The following COBLL1 variants were observed in gnomAD, a reference collection of about 807,000 sequenced individuals.
The protein encoded by COBLL1 is cordon-bleu WH2 repeat protein like 1.
In COBLL1, 50 loss-of-function variants were observed where a neutral mutation model predicts 94.8. That is an observed-to-expected ratio of 0.53 (90% CI 0.42 to 0.67). COBLL1 has a LOEUF of 0.67. COBLL1 is among the 30% of genes least tolerant of loss of function. COBLL1 has a pLI of 0.00. For synonymous variants in COBLL1, 448 were observed against 473.8 expected (o/e 0.95, Z 0.71); for missense variants, 1,362 against 1,348.7 (o/e 1.01, Z -0.15).
chr2:164,758,142 A>C (rs1298793151), intron 2 of COBLL1, among the ~76,000 whole-genome samples: 1 of 152,134 alleles, frequency 6.6e-6, no homozygotes, highest in East Asian at 1.9e-4. Flanking sequence ...CTGGGCACCC[A>C]CTGTGTACTT....
intron 2 of COBLL1, chr2:164,779,711 CT>C (rs1279488610): frequency 2.1e-6 from 1 of 471,022 alleles, no homozygotes; most frequent in South Asian, 1.5e-5. Context: ...CTTTTAGCTC[CT>C]CCAAACAGAG....
chr2:164,737,813 A>C (rs1686390640), intron 3 of COBLL1, among the ~76,000 whole-genome samples: 1 of 152,108 alleles, frequency 6.6e-6, no homozygotes, highest in Non-Finnish European at 1.5e-5. Flanking sequence ...ATCCATGTAA[A>C]ATGCTCCCGA....
intron 2 of COBLL1, among the ~76,000 whole-genome samples, chr2:164,794,451 G>A (rs1336762157): frequency 6.6e-6 from 1 of 152,072 alleles, no homozygotes; most frequent in Non-Finnish European, 1.5e-5. Flanking sequence ...TCAGGTTATT[G>A]CAGAGGGGAA....
chr2:164,667,629 C>G (rs914046125), intron 1 of COBLL1, among the ~76,000 whole-genome samples: 75 of 152,360 alleles, frequency 4.9e-4, no homozygotes, highest in African/African-American at 1.7e-3. Flanking sequence ...GTTACAGAGA[C>G]AGCTTCTTTT....
At chr2:164,679,381 A>G (rs949379016), downstream of COBLL1, among the ~76,000 whole-genome samples, 87 of 152,166 alleles carry the variant, frequency 5.7e-4, no homozygotes, top group African/African-American at 2.1e-3. Context: ...CAACTGAGAT[A>G]AGGTTACAAA....
chr2:164,718,812 G>C (rs564024460), intron 7 of COBLL1, among the ~76,000 whole-genome samples: 97 of 152,280 alleles, frequency 6.4e-4, no homozygotes, highest in African/African-American at 2.2e-3. Context: ...GAAGAAGATG[G>C]AAGTGGGGCC....
chr2:164,729,217 C>A (rs776821535), intron 4 of COBLL1, among the ~76,000 whole-genome samples: 1 of 151,498 alleles, frequency 6.6e-6, no homozygotes, highest in East Asian at 1.9e-4. Context: ...GAAGAAAATG[C>A]AAGAATATGT....
At chr2:164,703,539 AT>A in intron 9 of COBLL1, 1 of 402,322 alleles carries the variant, frequency 2.5e-6, no homozygotes, top group East Asian at 7.8e-5. Context: ...GAGAAAAATC[AT>A]TACTAGTTAT....
intron 2 of COBLL1, among the ~76,000 whole-genome samples, chr2:164,833,668 T>C (rs1304211558): frequency 6.6e-6 from 1 of 152,062 alleles, no homozygotes; most frequent in African/African-American, 2.4e-5. Context: ...GCCAGGATGG[T>C]CTCGATCTCC....
intron 9 of COBLL1, chr2:164,703,594 C>CAT (rs1193325615): frequency 4.7e-6 from 2 of 426,022 alleles, no homozygotes; most frequent in Admixed American, 3.3e-5. Context: ...AGAATTCTTA[C>CAT]ATATATATGC....
chr2:164,674,281 G>A (rs149202163), intron 1 of COBLL1, among the ~76,000 whole-genome samples: 21 of 152,182 alleles, frequency 1.4e-4, no homozygotes, highest in African/African-American at 4.8e-4. Context: ...GGATGGCCTC[G>A]ATCTCTTGAC....
chr2:164,815,939 G>A (rs1487925308), intron 2 of COBLL1, among the ~76,000 whole-genome samples: 2 of 151,988 alleles, frequency 1.3e-5, no homozygotes, highest in African/African-American at 2.4e-5. Context: ...CCTAATTATG[G>A]AAAAAACTAT....
At chr2:164,687,247 T>C (rs1683347044) in intron 13 of COBLL1, 1 of 397,334 alleles carries the variant, frequency 2.5e-6, no homozygotes, top group African/African-American at 2.1e-5. Flanking sequence ...GTAGAATTTA[T>C]TGGTTAGTAT....
In COBLL1 at chr2:164,841,687, CT is replaced by C; in HGVS notation, c.-51+22del. On this transcript the variant is annotated intron_variant, in intron 1 of 13. Coordinates refer to ENST00000652658, the MANE Select transcript of COBLL1 (RefSeq NM_001365672.2). This position sits in a 1 kb window ranked among gnomAD's most constrained non-coding sequence, Gnocchi z 5.5. ...AGAGAAGTTGGGAGGGCTGATCTCT[CT>C]TTTCCCACCCAAGGCTCCTACGTTC... The C allele has an allele frequency of 4.6e-6, 2 of 433,822 alleles. No homozygotes were observed. The highest frequency in any genetic ancestry group is 3.9e-5 in the East Asian group (1 of 25,738). 26.9% of individuals were successfully genotyped at this position (433,822 alleles called of 1,614,324 possible).
chr2:164,756,102 A>AGC (rs1387559491), intron 2 of COBLL1, among the ~76,000 whole-genome samples: 1 of 151,912 alleles, frequency 6.6e-6, no homozygotes, highest in Non-Finnish European at 1.5e-5. Flanking sequence ...AGAGAGAGAG[A>AGC]GAGAGCAAGA....
intron 2 of COBLL1, among the ~76,000 whole-genome samples, chr2:164,804,510 ATCTT>A (rs1313097642): frequency 6.6e-6 from 1 of 152,172 alleles, no homozygotes; most frequent in Non-Finnish European, 1.5e-5. Context: ...GTGAATATAA[ATCTT>A]TATTTCAAAT....
At chr2:164,756,145 C>T (rs1413290946) in intron 2 of COBLL1, among the ~76,000 whole-genome samples, 22 of 152,094 alleles carry the variant, frequency 1.4e-4, no homozygotes, top group Admixed American at 1.4e-3. Flanking sequence ...ACCATGAGCA[C>T]TTATTTTCCT....
intron 9 of COBLL1, among the ~76,000 whole-genome samples, chr2:164,701,736 G>A (rs1684274764): frequency 6.6e-6 from 1 of 152,162 alleles, no homozygotes; most frequent in African/African-American, 2.4e-5. Context: ...GAGGCATCCT[G>A]AGCAGTTAAT....
Position 164,722,525 on chromosome 2 carries a change from A to T in COBLL1, c.662-3T>A. 2.1e-6 allele frequency: 3 copies of T among 1,403,526 alleles called. No homozygotes were observed. Among genetic ancestry groups the T allele is most frequent in the Non-Finnish European group, 2.9e-6 (3 of 1,042,240 alleles). The allele number at this position is 1,403,526 out of a possible 1,614,324, so 86.9% of individuals were successfully genotyped here. On this transcript the variant is annotated splice_polypyrimidine_tract_variant and splice_region_variant and intron_variant, in intron 5 of 13. Transcript: ENST00000652658. ...GTTTTGTGATATTTGGCAGGACTCT[A>T]AAATAGAAGAAAAGCATCTTACTTT... is the stretch of plus-strand genomic sequence containing the variant.
Sources: allele counts gnomAD v4.1 joint callset (sites outside exome capture counted in the v4.1 genomes callset), GRCh38; gene constraint gnomAD v4.1.1; non-coding constraint Gnocchi (gnomAD v3.1); transcripts MANE v1.5; gene names NCBI Gene and HGNC (gene_info 2026-07-23, HGNC 2026-07-21).